GAREM1: variants seen among roughly 807,000 people sequenced by gnomAD.
The protein encoded by GAREM1 is GRB2-associated and regulator of MAPK protein 1.
Under a neutral mutation model 71.3 loss-of-function variants are expected in GAREM1, and 26 were observed. The observed-to-expected ratio is 0.36, with a 90% CI of 0.27 to 0.51. GAREM1 has a LOEUF of 0.51. Among genes scored for constraint, GAREM1 ranks in the 20% least tolerant of loss-of-function variants. The pLI, the probability that GAREM1 is intolerant of heterozygous loss-of-function variation, is 0.95. For synonymous variants in GAREM1, 440 were observed against 433.2 expected, an observed-to-expected ratio of 1.02 and a Z score of -0.20; for missense variants, 1,026 against 1,103.1, an observed-to-expected ratio of 0.93 and a Z score of 0.99.
rs566761561 is a variant in GAREM1 at position 32,292,746 on chromosome 18, G to A, written c.394-4543C>T. On this transcript the variant is annotated intron_variant, in intron 3 of 5. Transcript: ENST00000269209. ...GGCCTCCCCAGCCATGCAGAACTGT[G>A]AGTCAATTAAATCTGTTTGCTTTAT... 9.9e-5 allele frequency among the ~76,000 whole-genome samples: 15 copies of A among 152,252 alleles called. No homozygotes were observed. In the South Asian group the frequency reaches 2.9e-3, roughly 29 times the overall value.
intron 2 of GAREM1, among the ~76,000 whole-genome samples, chr18:32,320,124 T>A (rs1356092120): frequency 6.6e-6 from 1 of 152,232 alleles, no homozygotes; most frequent in East Asian, 1.9e-4. Flanking sequence ...CTTACAACGA[T>A]GCGTTTCCTC....
chr18:32,313,282 G>A (rs1361193514), intron 2 of GAREM1, among the ~76,000 whole-genome samples: 1 of 152,084 alleles, frequency 6.6e-6, no homozygotes, highest in East Asian at 1.9e-4. Context: ...AGGGAAGTGG[G>A]TCCGGGAAAA....
chr18:32,450,913 G>C (rs1181832737), intron 1 of GAREM1, among the ~76,000 whole-genome samples: 1 of 152,066 alleles, frequency 6.6e-6, no homozygotes, highest in Non-Finnish European at 1.5e-5. Flanking sequence ...ACTTTGGAAG[G>C]CTGAGGCAGA....
intron 4 of GAREM1, among the ~76,000 whole-genome samples, chr18:32,278,631 T>C (rs1392187679): frequency 1.3e-5 from 2 of 152,184 alleles, no homozygotes; most frequent in Non-Finnish European, 2.9e-5. Flanking sequence ...TGCCCTGTAT[T>C]TTACATTTCT....
chr18:32,448,986 T>G (rs2048808656), intron 1 of GAREM1, among the ~76,000 whole-genome samples: 1 of 152,168 alleles, frequency 6.6e-6, no homozygotes, highest in Admixed American at 6.6e-5. Flanking sequence ...GACAGAAGAC[T>G]CTCTCATTTT....
chr18:32,381,808 A>C (rs1205018392), intron 2 of GAREM1, among the ~76,000 whole-genome samples: 2 of 152,182 alleles, frequency 1.3e-5, no homozygotes, highest in Non-Finnish European at 2.9e-5. Context: ...TTCTAACTTC[A>C]TCTCCTAAAT....
intron 4 of GAREM1, among the ~76,000 whole-genome samples, chr18:32,279,163 G>A (rs943107074): frequency 6.6e-6 from 1 of 152,176 alleles, no homozygotes; most frequent in African/African-American, 2.4e-5. Flanking sequence ...TCCTATTAAT[G>A]TGATTTTATA....
intron 1 of GAREM1, among the ~76,000 whole-genome samples, chr18:32,420,577 C>T (rs1028492343): frequency 3.9e-5 from 6 of 151,952 alleles, no homozygotes; most frequent in African/African-American, 7.2e-5. Flanking sequence ...AACCATATAC[C>T]CATGGGAAGT....
chr18:32,300,913 A>C (rs925483583), intron 3 of GAREM1, among the ~76,000 whole-genome samples: 9 of 151,194 alleles, frequency 6.0e-5, no homozygotes, highest in Admixed American at 5.2e-4. Flanking sequence ...TCTCAAAAAA[A>C]AAAAAAAAAA....
chr18:32,430,547 T>TA (rs2048613760), intron 1 of GAREM1, among the ~76,000 whole-genome samples: 1 of 152,212 alleles, frequency 6.6e-6, no homozygotes, highest in Non-Finnish European at 1.5e-5. Flanking sequence ...AGAGATACAG[T>TA]ACACCTCACC....
At chr18:32,462,638 G>A (rs1028353717) in intron 1 of GAREM1, among the ~76,000 whole-genome samples, 4 of 152,052 alleles carry the variant, frequency 2.6e-5, no homozygotes, top group African/African-American at 7.2e-5. Context: ...ATCTATTTTT[G>A]CTTTTGTTGC....
intron 2 of GAREM1, among the ~76,000 whole-genome samples, chr18:32,364,024 A>ATTTTTTT (rs1292370389): frequency 3.8e-5 from 2 of 52,224 alleles, no homozygotes; most frequent in African/African-American, 3.0e-4. Flanking sequence ...ATATATATAT[A>ATTTTTTT]TATGTTTTTT....
chr18:32,403,669 A>G (rs994683245), intron 1 of GAREM1, among the ~76,000 whole-genome samples: 1 of 151,562 alleles, frequency 6.6e-6, no homozygotes, highest in African/African-American at 2.4e-5. Flanking sequence ...TCAACCTCCC[A>G]GGCTCAAGTG....
chr18:32,328,687 A>G (rs1023802526), intron 2 of GAREM1, among the ~76,000 whole-genome samples: 1 of 152,230 alleles, frequency 6.6e-6, no homozygotes, highest in Admixed American at 6.5e-5. Context: ...AAGATCACTT[A>G]GTCTCTGGTG....
intron 1 of GAREM1, among the ~76,000 whole-genome samples, chr18:32,415,130 T>C (rs1049791343): frequency 3.3e-5 from 5 of 151,934 alleles, no homozygotes; most frequent in Admixed American, 2.0e-4. Context: ...TTCCCAGACA[T>C]ATACAATCTA....
At chr18:32,288,492 G>A (rs2047049564) in intron 3 of GAREM1, among the ~76,000 whole-genome samples, 1 of 151,716 alleles carries the variant, frequency 6.6e-6, no homozygotes, top group African/African-American at 2.4e-5. Context: ...TTCTTTTGCA[G>A]TTATAAATGT....
chr18:32,271,544 G>A (rs1261994043), intron 4 of GAREM1, among the ~76,000 whole-genome samples: 1 of 152,134 alleles, frequency 6.6e-6, no homozygotes, highest in Non-Finnish European at 1.5e-5. Flanking sequence ...TAAAATGCAG[G>A]TTTTGATTCT....
intron 2 of GAREM1, among the ~76,000 whole-genome samples, chr18:32,320,733 G>A (rs1050339965): frequency 6.6e-6 from 1 of 152,098 alleles, no homozygotes; most frequent in Non-Finnish European, 1.5e-5. Flanking sequence ...CAACCATTCT[G>A]GGATCTATGT....
rs545743627 is a variant in GAREM1 at position 32,303,435 on chromosome 18, G to A, written c.393+6758C>T. Among the ~76,000 whole-genome samples the A allele has an allele frequency of 2.6e-5, 4 of 152,278 alleles. No homozygotes were observed. In the South Asian group the frequency reaches 8.3e-4, roughly 32 times the overall value. On this transcript the variant is annotated intron_variant, in intron 3 of 5. Coordinates refer to ENST00000269209, the MANE Select transcript of GAREM1 (RefSeq NM_001242409.2). ...TTTGATGGCAGGAAATGCAGACGGG[G>A]AAAATTTTCTCATCTTTATTGGGCT...
Sources: allele counts gnomAD v4.1 joint callset (sites outside exome capture counted in the v4.1 genomes callset), GRCh38; gene constraint gnomAD v4.1.1; transcripts MANE v1.5; gene names NCBI Gene and HGNC (gene_info 2026-07-23, HGNC 2026-07-21).